ATP2B3: variants seen among roughly 807,000 people sequenced by gnomAD.
The protein encoded by ATP2B3 is plasma membrane calcium-transporting ATPase 3.
A neutral mutation model predicts 70.8 loss-of-function variants in ATP2B3; 12 were observed. That is an observed-to-expected ratio of 0.17 (90% CI 0.11 to 0.27). The LOEUF (loss-of-function observed/expected upper bound fraction) is 0.27, where lower values mean the gene tolerates loss of function less well. Ranked by LOEUF, ATP2B3 falls within the 10% of genes least tolerant of loss-of-function variation. The probability of loss-of-function intolerance (pLI) is 1.00; values close to 1 mark genes in which losing one functional copy is unlikely to be tolerated. For synonymous variants in ATP2B3, 460 were observed against 497.8 expected, an observed-to-expected ratio of 0.92 and a Z score of 1.01; for missense variants, 858 against 1,118.5, an observed-to-expected ratio of 0.77 and a Z score of 3.32.
At chrX:153,576,377 G>A (rs781925827) in intron 21 of ATP2B3, among the ~76,000 whole-genome samples, 3 of 111,792 alleles carry the variant, frequency 2.7e-5, no homozygotes, top group African/African-American at 6.5e-5. Context: ...CACAGGACAC[G>A]TGGATGTCTG....
chrX:153,579,890 A>C, intron 21 of ATP2B3, 88 bp from the exon 22 acceptor site: 3 of 833,455 alleles, frequency 3.6e-6, no homozygotes, highest in Non-Finnish European at 5.2e-6. Context: ...CTTCCTTCCT[A>C]CCTTCCTTCC....
intron 21 of ATP2B3, among the ~76,000 whole-genome samples, chrX:153,570,916 C>A (rs1396079922): frequency 9.3e-6 from 1 of 107,798 alleles, no homozygotes; most frequent in Non-Finnish European, 1.9e-5. Context: ...CCTCCTCTTG[C>A]ATAAGCTGTC....
chrX:153,523,842 C>A lies in ATP2B3; in HGVS notation c.-127+5291C>A, dbSNP rs1338364370. 2.7e-5 allele frequency among the ~76,000 whole-genome samples: 3 copies of A among 109,332 alleles called. No homozygotes were observed. In the East Asian group the frequency reaches 8.5e-4, roughly 31 times the overall value. 94.9% of individuals were successfully genotyped at this position (109,332 alleles called of 115,157 possible). A position where few individuals can be genotyped will look rare whatever the true frequency, so the allele number is the denominator to read the frequency against. On this transcript the variant is annotated intron_variant, in intron 2 of 21. Coordinates refer to ENST00000263519, the MANE Select transcript of ATP2B3 (RefSeq NM_001001344.3). Reference sequence around the variant, plus strand: ...TCCCGAGTAGCTGGGATTACAGGGGCCCGCCACCACACCCGGCTAATTTTT... The same window carrying A: ...TCCCGAGTAGCTGGGATTACAGGGGACCGCCACCACACCCGGCTAATTTTT...
At chrX:153,525,474 G>C (rs372201331) in intron 2 of ATP2B3, among the ~76,000 whole-genome samples, 1 of 111,692 alleles carries the variant, frequency 9.0e-6, no homozygotes, top group East Asian at 2.8e-4. Flanking sequence ...CCCAATTCTC[G>C]GGCAGAGCAA....
At chrX:153,569,413 T>G in intron 21 of ATP2B3, 1 of 514,750 alleles carries the variant, frequency 1.9e-6, no homozygotes. Context: ...TCTCGGTGGG[T>G]GGCACAGAGG....
chrX:153,536,538 G>T lies in ATP2B3; in HGVS notation c.208+83G>T, dbSNP rs1446739387. The T allele has an allele frequency of 7.6e-6, 8 of 1,056,539 alleles. No homozygotes were observed. In the African/African-American group the frequency reaches 9.3e-5, roughly 12 times the overall value. 87.1% of individuals were successfully genotyped at this position (1,056,539 alleles called of 1,213,427 possible). A position where few individuals can be genotyped will look rare whatever the true frequency, so the allele number is the denominator to read the frequency against. ...ACCTGAAGGCATCCTTAGCCCCAAGGCTGGCCAGGGTCAAGGGCCACCTGT... is the reference window on the plus strand; with the variant it reads ...ACCTGAAGGCATCCTTAGCCCCAAGTCTGGCCAGGGTCAAGGGCCACCTGT... On this transcript the variant is annotated intron_variant, in intron 3 of 21. Transcript: ENST00000263519.
intron 2 of ATP2B3, among the ~76,000 whole-genome samples, chrX:153,523,278 C>T (rs782121931): frequency 3.6e-5 from 4 of 112,483 alleles, no homozygotes; most frequent in Non-Finnish European, 7.5e-5. Flanking sequence ...ACCAAGCACC[C>T]GGGATGTATC....
intron 15 of ATP2B3, 81 bp from the exon 16 acceptor site, chrX:153,556,836 C>T: frequency 2.0e-6 from 2 of 1,020,599 alleles, no homozygotes; most frequent in Non-Finnish European, 2.7e-6. Context: ...CCAACCTACC[C>T]CCATAGCTCC....
chrX:153,538,328 C>A (rs2090225284), intron 3 of ATP2B3, among the ~76,000 whole-genome samples: 1 of 113,161 alleles, frequency 8.8e-6, no homozygotes, highest in South Asian at 3.6e-4. Flanking sequence ...GAGGCAGGCA[C>A]TCCCCCGTGG....
chrX:153,542,050 A>AGGAGGCG, intron 5 of ATP2B3, 124 bp downstream of exon 5: 1 of 227,417 alleles, frequency 4.4e-6, no homozygotes, highest in Non-Finnish European at 5.7e-6. Flanking sequence ...CACCTGCCTT[A>AGGAGGCG]GGAGGCGGGA....
chrX:153,579,870 T>G, intron 21 of ATP2B3, 108 bp from the exon 22 acceptor site: 1 of 729,874 alleles, frequency 1.4e-6, no homozygotes, highest in Non-Finnish European at 2.0e-6. Context: ...GGCCACTGAC[T>G]GTCTCCTTCC....
intron 21 of ATP2B3, 27 bp from the exon 22 acceptor site, chrX:153,579,951 G>T: frequency 8.5e-7 from 1 of 1,171,448 alleles, no homozygotes; most frequent in Non-Finnish European, 1.2e-6. Flanking sequence ...CCCACCTCGC[G>T]CCCTGTCCCT....
rs1557015474 is a variant in ATP2B3, at chrX:153,559,850, G to A, written c.2747G>A (p.Arg916His). The A allele has an allele frequency of 8.2e-6, 10 of 1,212,150 alleles. No individual in the cohort carries two copies. The highest frequency in any genetic ancestry group is 3.5e-5 in the South Asian group (2 of 57,027). Residue 916 changes from arginine (R) to histidine (H), a missense_variant, in exon 18 of 22, where the codon CGC (arginine) becomes CAC (histidine). Arg to His is a conservative substitution (Grantham distance 29). Around this residue, in one of 5 missense-constraint regions of ATP2B3, gnomAD observed 265 missense variants for 305.3 expected, o/e 0.87. Coordinates refer to ENST00000263519, the MANE Select transcript of ATP2B3 (RefSeq NM_001001344.3). ...CTGCTGCTGCGGAAGCCGTACGGCC[G>A]CGACAAGCCCCTCATCTCCCGCACC... is the stretch of plus-strand genomic sequence containing the variant. ...ESLLLRKPYG[R>H]DKPLISRTMM...
At chrX:153,573,120 TG>T (rs1381317220) in intron 21 of ATP2B3, among the ~76,000 whole-genome samples, 2 of 112,612 alleles carry the variant, frequency 1.8e-5, no homozygotes, top group Non-Finnish European at 3.8e-5. Flanking sequence ...CAGCAGGCCA[TG>T]AGTCTGGTCC....
At chrX:153,543,385 G>A (rs1268340392) in intron 7 of ATP2B3, among the ~76,000 whole-genome samples, 2 of 112,728 alleles carry the variant, frequency 1.8e-5, no homozygotes, top group Non-Finnish European at 3.8e-5. Flanking sequence ...TGCCGTGGAC[G>A]GGGAGTTTCC....
chrX:153,557,518 C>T (rs1424565658), intron 16 of ATP2B3, among the ~76,000 whole-genome samples: 2 of 112,261 alleles, frequency 1.8e-5, no homozygotes, highest in East Asian at 2.8e-4. Context: ...CCTGCCCTAC[C>T]GAAAAGGAGT....
rs782543638 is a variant in ATP2B3, at chrX:153,556,217, G to C, written c.2227G>C (p.Glu743Gln). 6.6e-6 allele frequency: 8 copies of C among 1,209,070 alleles called. No homozygotes were observed. The highest frequency in any genetic ancestry group is 9.0e-6 in the Non-Finnish European group (8 of 893,586). Residue 743 changes from glutamate (E) to glutamine (Q), a missense_variant, in exon 14 of 22, where the codon GAG (glutamate) becomes CAG (glutamine). By Grantham distance (29) the Glu-to-Gln change is conservative. This residue lies in a region of ATP2B3 where 242 missense variants were observed against 281.3 expected (regional missense o/e 0.86). Coordinates refer to ENST00000263519, the MANE Select transcript of ATP2B3 (RefSeq NM_001001344.3). ...GGAGTTCAACCGGCGGATCCGCAAT[G>C]AGAAAGGCGAGGTAGCACCCGGCTG... ...GKEFNRRIRN[E>Q]KGEIEQERLD...
intron 13 of ATP2B3, among the ~76,000 whole-genome samples, chrX:153,555,601 C>T (rs981065339): frequency 4.5e-5 from 5 of 112,056 alleles, no homozygotes; most frequent in Admixed American, 1.9e-4. Context: ...GACAATGCCA[C>T]CACCTCCCGG....
chrX:153,558,148 G>A lies in ATP2B3; in HGVS notation c.2470G>A (p.Asp824Asn), dbSNP rs1467233293. 2.5e-6 allele frequency: 3 copies of A among 1,209,142 alleles called. No individual in the cohort carries two copies. The African/African-American group carries it at 5.3e-5, about 21-fold the overall frequency. The part of the protein sequence containing the change: ...AGTDVAKEAS[D>N]IILTDDNFTS... ...GACCGACGTGGCCAAGGAGGCCTCC[G>A]ACATCATCCTGACCGATGACAACTT... is the stretch of plus-strand genomic sequence containing the variant. Residue 824 changes from aspartate to asparagine, a missense_variant, in exon 17 of 22, where the codon GAC (aspartate) becomes AAC (asparagine). By Grantham distance (23) the Asp-to-Asn change is conservative. Coordinates refer to ENST00000263519, the MANE Select transcript of ATP2B3 (RefSeq NM_001001344.3).
Sources: allele counts gnomAD v4.1 joint callset (sites outside exome capture counted in the v4.1 genomes callset), GRCh38; gene constraint gnomAD v4.1.1; regional missense constraint gnomAD v4.1.1; transcripts MANE v1.5; gene names NCBI Gene and HGNC (gene_info 2026-07-23, HGNC 2026-07-21).